Variants in PARL observed in about 807,000 individuals in gnomAD.
PARL encodes the protein presenilin associated rhomboid like.
Under a neutral mutation model 51.6 loss-of-function variants are expected in PARL, and 44 were observed. The ratio of observed to expected loss-of-function variants is 0.85; its 90% CI spans 0.67 to 1.10. The LOEUF (loss-of-function observed/expected upper bound fraction) is 1.10, where lower values mean the gene tolerates loss of function less well. PARL is among the 50% of genes least tolerant of loss of function. The pLI is 0.00. For missense variants in PARL, 441 were observed against 469.5 expected, an observed-to-expected ratio of 0.94 and a Z score of 0.56; for synonymous variants, 172 against 164.0, an observed-to-expected ratio of 1.05 and a Z score of -0.37.
At chr3:183,873,494 A>G (rs6795172) in intron 1 of PARL, among the ~76,000 whole-genome samples, 90,490 of 151,742 alleles carry the variant, frequency 0.6, 27,456 homozygotes, top group Middle Eastern at 0.7. Flanking sequence ...AGGCGAGATC[A>G]CGCCATTGCA....
At chr3:183,884,249 G>C (rs1560445466) in intron 1 of PARL, among the ~76,000 whole-genome samples, 1 of 152,136 alleles carries the variant, frequency 6.6e-6, no homozygotes, top group Non-Finnish European at 1.5e-5. Flanking sequence ...CCTCTCCTAC[G>C]ACTTTGCCAG....
intron 7 of PARL, among the ~76,000 whole-genome samples, chr3:183,835,883 C>G (rs1728514994): frequency 6.6e-6 from 1 of 151,686 alleles, no homozygotes; most frequent in African/African-American, 2.4e-5. Flanking sequence ...CAAAATGAAG[C>G]AAATATAATT....
intron 7 of PARL, among the ~76,000 whole-genome samples, chr3:183,837,654 A>G (rs1728790591): frequency 6.6e-6 from 1 of 152,282 alleles, no homozygotes; most frequent in South Asian, 2.1e-4. Context: ...CCCAGCAGTA[A>G]CGAGTCACGG....
At chr3:183,880,977 CTAA>C (rs1238241431) in intron 1 of PARL, among the ~76,000 whole-genome samples, 2 of 151,914 alleles carry the variant, frequency 1.3e-5, no homozygotes, top group African/African-American at 2.4e-5. Context: ...ACCATACCCA[CTAA>C]TTTTTTTTAC....
chr3:183,866,392 G>T (rs1348746976), intron 3 of PARL, among the ~76,000 whole-genome samples: 1 of 152,168 alleles, frequency 6.6e-6, no homozygotes, highest in Admixed American at 6.5e-5. Context: ...TACCAGTAGA[G>T]TAACTACAGT....
chr3:183,871,224 G>A (rs925947135), intron 1 of PARL, among the ~76,000 whole-genome samples: 2 of 152,108 alleles, frequency 1.3e-5, no homozygotes, highest in East Asian at 3.8e-4. Flanking sequence ...TATACTGAAA[G>A]TAAGGTGGTA....
At chr3:183,838,586 T>C (rs931514854) in intron 7 of PARL, among the ~76,000 whole-genome samples, 1 of 152,196 alleles carries the variant, frequency 6.6e-6, no homozygotes, top group South Asian at 2.1e-4. Flanking sequence ...GTGCTTCTTA[T>C]TGTGCTAAGC....
In PARL at chr3:183,845,454, G is replaced by A. The variant is rs1729837405; in HGVS notation, c.512-1128C>T. Reference sequence around the variant, plus strand: ...AACTGGTAGCATTTTTTCTTTCTCCGTAGTACATTAAATAAAATTTTACTG... The same window carrying A: ...AACTGGTAGCATTTTTTCTTTCTCCATAGTACATTAAATAAAATTTTACTG... On this transcript the variant is annotated intron_variant, in intron 4 of 9. Coordinates refer to ENST00000317096, the MANE Select transcript of PARL (RefSeq NM_018622.7). Among the ~76,000 whole-genome samples the A allele has an allele frequency of 2.6e-5, 4 of 151,988 alleles. No homozygotes were observed. The South Asian group carries it at 6.2e-4, about 24-fold the overall frequency.
At chr3:183,879,879 A>ATTTTTTT (rs532111761) in intron 1 of PARL, 143 of 131,208 alleles carry the variant, frequency 1.1e-3, no homozygotes, top group Non-Finnish European at 1.6e-3. Context: ...ACCAGGACTG[A>ATTTTTTT]TTTTTTTTTT....
In PARL at chr3:183,882,204, TAAAA is replaced by T. The variant is rs1209073220; in HGVS notation, c.125+2514_125+2517del. ...GGGAAACAGAGCAAGACAATGTCTC[TAAAA>T]AAAAAAAAAAAAAAATATATATATA... On this transcript the variant is annotated intron_variant, in intron 1 of 9. Coordinates refer to ENST00000317096, the MANE Select transcript of PARL (RefSeq NM_018622.7). Among the ~76,000 whole-genome samples, 213 of 61,430 alleles carry T rather than the reference TAAAA, an allele frequency of 3.5e-3. 4 individuals are homozygous for T. Among genetic ancestry groups the T allele is most frequent in the African/African-American group, 0.011 (143 of 12,592 alleles). The allele number at this position is 61,430 out of a possible 152,430, so 40.3% of individuals were successfully genotyped here.
chr3:183,842,082 C>T (rs1322068913), intron 6 of PARL, among the ~76,000 whole-genome samples: 1 of 152,160 alleles, frequency 6.6e-6, no homozygotes, highest in East Asian at 1.9e-4. Flanking sequence ...TAAACATACC[C>T]ACATAATTCA....
intron 7 of PARL, among the ~76,000 whole-genome samples, chr3:183,837,303 G>C (rs1019802174): frequency 1.1e-4 from 17 of 151,738 alleles, no homozygotes. Flanking sequence ...GCCTCATATC[G>C]ATCATCCCTC....
chr3:183,882,268 TTTATA>T (rs1734607626), intron 1 of PARL, among the ~76,000 whole-genome samples: 4 of 49,708 alleles, frequency 8.0e-5, no homozygotes, highest in South Asian at 1.0e-3. Context: ...TATATATATA[TTTATA>T]TATATATATA....
Position 183,829,693 on chromosome 3 carries a change from C to A in PARL, c.1045G>T (p.Gly349Cys). The A allele has an allele frequency of 6.2e-7, 1 of 1,614,012 alleles. No homozygotes were observed. Among genetic ancestry groups the A allele is most frequent in the Non-Finnish European group, 8.5e-7 (1 of 1,179,948 alleles). ...CTGTTCTTCCAAATCAGTTCATGACCGTAAGTAACATACCATCTGGAGAAA... is the reference window on the plus strand; with the variant it reads ...CTGTTCTTCCAAATCAGTTCATGACAGTAAGTAACATACCATCTGGAGAAA... ...ALFGIWYVTY[G>C]HELIWKNREP... The change falls in exon 10 of 10, where the codon GGT (glycine) becomes TGT (cysteine). Residue 349 changes from glycine to cysteine, a missense_variant. Transcript: ENST00000317096.
intron 4 of PARL, among the ~76,000 whole-genome samples, chr3:183,854,122 G>A (rs189701158): frequency 1.5e-4 from 23 of 152,176 alleles, no homozygotes; most frequent in Non-Finnish European, 2.8e-4. Flanking sequence ...GTGTACACCT[G>A]TAGTCCCAGC....
chr3:183,842,288 A>C lies in PARL; in HGVS notation c.757+10T>G, dbSNP rs757130708. 11 of 1,611,678 alleles carry C rather than the reference A, an allele frequency of 6.8e-6. No homozygotes were observed. Among genetic ancestry groups the C allele is most frequent in the Non-Finnish European group, 7.6e-6 (9 of 1,179,536 alleles). On this transcript the variant is annotated intron_variant, in intron 6 of 9. Transcript: ENST00000317096. ...ATACTCTCAAAGGCCCCGAGATTAA[A>C]GCATATTACCTGCAGATAGGTACAC...
downstream of PARL, among the ~76,000 whole-genome samples, chr3:183,827,420 CGAGA>C (rs60941610): frequency 9.9e-4 from 149 of 149,976 alleles, 2 homozygotes; most frequent in East Asian, 1.2e-3. Flanking sequence ...CCAGCCTGGA[CGAGA>C]GAGAGAGAGA....
chr3:183,840,883 G>C (rs1202926152), intron 6 of PARL, among the ~76,000 whole-genome samples: 4 of 151,820 alleles, frequency 2.6e-5, no homozygotes, highest in Admixed American at 1.3e-4. Context: ...CATGAAAATG[G>C]TTTTCATTTC....
intron 2 of PARL, 86 bp from the exon 3 acceptor site, chr3:183,866,851 T>C (rs980869944): frequency 1.3e-5 from 13 of 1,018,260 alleles, no homozygotes; most frequent in African/African-American, 3.2e-5. Context: ...TTCACTGTCA[T>C]TGCTTTTTAC....
Sources: gnomAD v4.1 joint callset for allele counts (sites outside exome capture counted in the v4.1 genomes callset) on GRCh38, gnomAD v4.1.1 for gene constraint, MANE v1.5 for transcripts, NCBI Gene and HGNC (gene_info 2026-07-23, HGNC 2026-07-21) for gene names.